MYH7B: variants seen among roughly 807,000 people sequenced by gnomAD.
The protein encoded by MYH7B is myosin heavy chain 7B.
In MYH7B, 205 loss-of-function variants were observed where a neutral mutation model predicts 234.5. That is an observed-to-expected ratio of 0.87 (90% CI 0.78 to 0.98). The LOEUF is 0.98. Among genes scored for constraint, MYH7B ranks in the 50% least tolerant of loss-of-function variants. The pLI is 0.00. For synonymous variants in MYH7B, 1,193 were observed against 1,105.0 expected (o/e 1.08, Z -1.58); for missense variants, 2,652 against 2,633.4 (o/e 1.01, Z -0.15).
chr20:34,984,682 C>T lies in MYH7B; in HGVS notation c.625-10C>T, dbSNP rs757593536. 3.2e-6 allele frequency: 5 copies of T among 1,575,418 alleles called. No individual in the cohort carries two copies. The Admixed American group carries it at 9.0e-5, about 28-fold the overall frequency. On this transcript the variant is annotated splice_polypyrimidine_tract_variant and intron_variant, in intron 10 of 44. Coordinates refer to ENST00000262873, the Ensembl canonical transcript of MYH7B. ...CTGGCCCTCTAATGTTGTCTGTCTT[C>T]TTCCCCCAGCAATTTCTGGCAACAA...
chr20:34,980,514 G>A, intron 7 of MYH7B, 64 bp from the exon 8 acceptor site: 1 of 1,411,738 alleles, frequency 7.1e-7, no homozygotes, highest in Non-Finnish European at 1.0e-6. Context: ...CTCCAGCCTG[G>A]GAGACAGAGC....
chr20:34,966,617 GCA>G lies in MYH7B; in HGVS notation c.-222+8413_-222+8414del, dbSNP rs531193381. ...GAACTTAATACATGCAGATGTGCGT[GCA>G]CACACACGCTCACAACTAGTACATG... On this transcript the variant is annotated intron_variant, in intron 2 of 44. Coordinates refer to ENST00000262873, the Ensembl canonical transcript of MYH7B. Among the ~76,000 whole-genome samples, 209 of 152,202 alleles carry G rather than the reference GCA, an allele frequency of 1.4e-3. 1 individual carries two copies. Among genetic ancestry groups the G allele is most frequent in the East Asian group, 2.7e-3 (14 of 5,176 alleles).
chr20:34,999,087 G>T lies in MYH7B; in HGVS notation c.4222G>T (p.Glu1408Ter). The T allele has an allele frequency of 6.2e-7, 1 of 1,612,798 alleles. No individual in the cohort carries two copies. The highest frequency in any genetic ancestry group is 1.1e-5 in the South Asian group (1 of 91,012). The stretch of plus-strand genomic sequence containing the variant: ...GCTGGCACTGCGGCTGCAGGAGGCA[G>T]AGGAGGGCGTGGAGGCTGCCAACGC... Residue 1408 changes from glutamate to a stop codon, truncating the protein, a stop_gained, in exon 36 of 45, where the codon GAG becomes TAG. Coordinates refer to ENST00000262873, the Ensembl canonical transcript of MYH7B. LOFTEE classifies it high-confidence loss of function.
intron 32 of MYH7B, among the ~76,000 whole-genome samples, chr20:34,997,893 CAGT>C (rs777145565): frequency 6.6e-5 from 10 of 152,110 alleles, no homozygotes; most frequent in Non-Finnish European, 1.2e-4. Context: ...CTTGAACCAG[CAGT>C]AGTTGTGACC....
intron 5 of MYH7B, among the ~76,000 whole-genome samples, chr20:34,978,901 C>A (rs80105040): frequency 0.023 from 3,510 of 152,262 alleles, 116 homozygotes; most frequent in African/African-American, 0.081. Context: ...ACCATGAAAT[C>A]TGGGCTCCTC....
chr20:34,979,351 C>A (rs1325260737), intron 5 of MYH7B, 39 bp from the exon 6 acceptor site: 1 of 1,516,386 alleles, frequency 6.6e-7, no homozygotes, highest in African/African-American at 1.4e-5. Context: ...GGAGGTGCCT[C>A]AGCCCCTCTC....
exon 42 of MYH7B, chr20:35,001,319 T>A: frequency 6.2e-7 from 1 of 1,611,986 alleles, no homozygotes; most frequent in South Asian, 1.1e-5. Context: ...TGCGCAAGCA[T>A]GAGCGCCGTG....
chr20:34,989,778 G>A, exon 20 of MYH7B: 1 of 1,614,142 alleles, frequency 6.2e-7, no homozygotes, highest in Non-Finnish European at 8.5e-7. Flanking sequence ...AGGAATGCAT[G>A]TTCCCCAAGG....
At chr20:35,001,860 G>GAGCT (rs1168808790) in intron 43 of MYH7B, 88 bp from the exon 44 acceptor site, 15 of 1,533,930 alleles carry the variant, frequency 9.8e-6, no homozygotes, top group Non-Finnish European at 1.2e-5. Flanking sequence ...GAACCAGGAG[G>GAGCT]AGCTAGCTCC....
exon 22 of MYH7B, chr20:34,990,306 A>C: frequency 1.2e-6 from 2 of 1,614,174 alleles, no homozygotes; most frequent in Non-Finnish European, 1.7e-6. Context: ...TCCCAGCTGC[A>C]CAAGGTAAGG....
At chr20:34,986,986 C>T (rs775677791) in exon 15 of MYH7B, 29 of 1,612,990 alleles carry the variant, frequency 1.8e-5, no homozygotes, top group East Asian at 2.2e-5. Flanking sequence ...TCATCGCCAC[C>T]GACGTATGAG....
intron 19 of MYH7B, 25 bp from the exon 20 acceptor site, chr20:34,989,715 C>G (rs1423023523): frequency 1.2e-6 from 2 of 1,605,274 alleles, no homozygotes; most frequent in Non-Finnish European, 1.7e-6. Context: ...TTGATGGTGG[C>G]TTTTCAAGCT....
At chr20:34,998,323 A>G (rs2082302223) in exon 33 of MYH7B, 1 of 1,613,882 alleles carries the variant, frequency 6.2e-7, no homozygotes, top group African/African-American at 1.3e-5. Flanking sequence ...TGCCGGACCT[A>G]TGAGGATCAG....
chr20:34,999,315 C>T (rs747769021), exon 36 of MYH7B: 1 of 1,578,244 alleles, frequency 6.3e-7, no homozygotes, highest in Non-Finnish European at 8.6e-7. Flanking sequence ...GTCCCGTGGC[C>T]TGGGCACCGA....
chr20:34,999,742 A>G (rs1317064984), intron 37 of MYH7B, 47 bp downstream of exon 37: 5 of 1,581,110 alleles, frequency 3.2e-6, no homozygotes, highest in Non-Finnish European at 4.3e-6. Context: ...CTGCTGCTCC[A>G]CTGGCCATCC....
intron 36 of MYH7B, 34 bp from the exon 37 acceptor site, chr20:34,999,537 T>C: frequency 6.4e-7 from 1 of 1,566,152 alleles, no homozygotes; most frequent in Non-Finnish European, 8.6e-7. Flanking sequence ...GTACAAGCCA[T>C]GGGGGTGGCC....
intron 2 of MYH7B, among the ~76,000 whole-genome samples, chr20:34,963,101 A>G (rs537220029): frequency 6.6e-6 from 1 of 152,382 alleles, no homozygotes; most frequent in Non-Finnish European, 1.5e-5. Flanking sequence ...CCGTCTCAAA[A>G]AAAGAAGTCA....
chr20:34,986,862 C>T, intron 14 of MYH7B, 24 bp from the exon 15 acceptor site: 3 of 1,593,168 alleles, frequency 1.9e-6, no homozygotes, highest in Non-Finnish European at 2.6e-6. Flanking sequence ...GCCTGACCCT[C>T]CCTTCTCTGC....
exon 41 of MYH7B, chr20:35,001,085 A>G (rs901324252): frequency 1.9e-6 from 3 of 1,613,638 alleles, no homozygotes; most frequent in African/African-American, 2.7e-5. Flanking sequence ...CGCGAGCTCC[A>G]GGCCCGCCTT....
Sources: gnomAD v4.1 joint callset for allele counts (sites outside exome capture counted in the v4.1 genomes callset) on GRCh38, gnomAD v4.1.1 for gene constraint, MANE v1.5 for transcripts, NCBI Gene and HGNC (gene_info 2026-07-23, HGNC 2026-07-21) for gene names.